Variants in CDH15 observed in about 807,000 individuals in gnomAD.
The protein encoded by CDH15 is cadherin 15, also known as cadherin-15.
CDH15 carries 73 observed loss-of-function variants against 69.4 expected under a neutral mutation model. The observed-to-expected ratio is 1.05, with a 90% CI of 0.87 to 1.28. The LOEUF is 1.28. CDH15 is among the 50% of genes most tolerant of loss of function. CDH15 has a pLI of 0.00. For missense variants in CDH15, 1,343 were observed against 1,133.6 expected, an observed-to-expected ratio of 1.18 and a Z score of -2.65; for synonymous variants, 624 against 507.7, an observed-to-expected ratio of 1.23 and a Z score of -3.08.
rs769615158 is a variant in CDH15 at position 89,190,304 on chromosome 16, C to T, written c.1040C>T (p.Pro347Leu). ...AAAGTGTCGGTGCAGAATGAGGCCC[C>T]GCTGCAGGCGGCTGCCCTTAGGGCT... ...ELKVSVQNEA[P>L]LQAAALRAER... is the part of the protein sequence containing the mutation. Residue 347 changes from proline to leucine, a missense_variant, in exon 8 of 14, where the codon CCG becomes CTG. By Grantham distance (98) the Pro-to-Leu change is moderately conservative (BLOSUM62 -3). Coordinates refer to ENST00000289746, the MANE Select transcript of CDH15 (RefSeq NM_004933.3). 58 of 1,612,372 alleles carry T rather than the reference C, an allele frequency of 3.6e-5. No individual in the cohort carries two copies. The highest frequency in any genetic ancestry group is 1.6e-4 in the Middle Eastern group (1 of 6,084).
At position 89,195,156 on chromosome 16, in the gene CDH15, C is replaced by T; in HGVS notation, c.*1C>T. On this transcript the variant is annotated 3_prime_UTR_variant, in exon 14 of 14. Coordinates refer to ENST00000289746, the MANE Select transcript of CDH15 (RefSeq NM_004933.3). ...CAGACACAGAGGCCGGACAGCCTGA[C>T]CCTGGGGCGCAACTGGACATGCCAC... 1.3e-6 allele frequency: 2 copies of T among 1,580,266 alleles called. No homozygotes were observed. The highest frequency in any genetic ancestry group is 1.7e-6 in the Non-Finnish European group (2 of 1,163,986).
In CDH15 at chr16:89,191,290, G is replaced by T. The variant is rs761404130; in HGVS notation, c.1233-40G>T. 5 of 1,611,790 alleles carry T rather than the reference G, an allele frequency of 3.1e-6. No individual in the cohort carries two copies. In the African/African-American group the frequency reaches 5.3e-5, roughly 17 times the overall value. On this transcript the variant is annotated intron_variant, in intron 8 of 13. Transcript: ENST00000289746. ...ACCTGACCACACCTGTGGGGCCCTGGGGTAAACTCAGATCCCACTCTTCCC... is the reference window on the plus strand; with the variant it reads ...ACCTGACCACACCTGTGGGGCCCTGTGGTAAACTCAGATCCCACTCTTCCC...
Position 89,171,804 on chromosome 16 carries a change from C to G in CDH15, c.-28C>G, listed in dbSNP as rs759779271. Reference sequence around the variant, plus strand: ...CGCGCTTCTTCGGGTCGCGGGTGCACTCCGGCCCGGCTCCCGCCTCGGCCC... The same window carrying G: ...CGCGCTTCTTCGGGTCGCGGGTGCAGTCCGGCCCGGCTCCCGCCTCGGCCC... On this transcript the variant is annotated 5_prime_UTR_variant, in exon 1 of 14. Coordinates refer to ENST00000289746, the MANE Select transcript of CDH15 (RefSeq NM_004933.3). 1.9e-6 allele frequency: 3 copies of G among 1,546,934 alleles called. No individual in the cohort carries two copies. The highest frequency in any genetic ancestry group is 1.7e-4 in the Middle Eastern group (1 of 5,998).
chr16:89,189,861 G>T (rs181522670), intron 7 of CDH15, among the ~76,000 whole-genome samples: 1 of 152,358 alleles, frequency 6.6e-6, no homozygotes, highest in African/African-American at 2.4e-5. Flanking sequence ...GCAGTTTAGA[G>T]GCAGAGAAAA....
rs1348888710 is a variant in CDH15, at chr16:89,193,492, C to G, written c.1878C>G (p.Leu626=). 6.2e-7 allele frequency: 1 copy of G among 1,611,720 alleles called. No individual in the cohort carries two copies. Among genetic ancestry groups the G allele is most frequent in the Admixed American group, 1.7e-5 (1 of 59,950 alleles). ...CAGTGCTGGTCCTGCTCGTGGCACT[C>G]CGGGCGCGGTTCTGGAAGCAGTCTC... The part of the protein sequence containing the change: ...LLLVLVLLVA[L]RARFWKQSRG... The change falls in exon 12 of 14, where the codon CTC becomes CTG. Residue 626 remains leucine, a synonymous_variant. Coordinates refer to ENST00000289746, the MANE Select transcript of CDH15 (RefSeq NM_004933.3).
intron 1 of CDH15, among the ~76,000 whole-genome samples, chr16:89,178,934 C>T (rs1249580292): frequency 6.6e-6 from 1 of 152,218 alleles, no homozygotes; most frequent in Non-Finnish European, 1.5e-5. Context: ...CGTGTCAGGA[C>T]CCCACGCTCT....
intron 1 of CDH15, among the ~76,000 whole-genome samples, chr16:89,173,413 T>C (rs575078490): frequency 6.6e-6 from 1 of 152,214 alleles, no homozygotes; most frequent in East Asian, 1.9e-4. Flanking sequence ...AGGCAGGACC[T>C]CTCCCTCCTC....
intron 7 of CDH15, 119 bp downstream of exon 7, chr16:89,188,404 A>T (rs1915544571): frequency 4.4e-6 from 3 of 676,388 alleles, no homozygotes; most frequent in Non-Finnish European, 8.0e-6. Context: ...GCACACACAC[A>T]TGCCGGCACA....
In CDH15 at chr16:89,191,911, G is replaced by A. The variant is rs1356744203; in HGVS notation, c.1615+17G>A. On this transcript the variant is annotated intron_variant, in intron 10 of 13. Coordinates refer to ENST00000289746, the MANE Select transcript of CDH15 (RefSeq NM_004933.3). ...AGGTCAACGGTGCGCTCCCCTCACC[G>A]CCGCGCTCCCCCCATCCCCACGCTC... 27 of 1,535,626 alleles carry A rather than the reference G, an allele frequency of 1.8e-5. No homozygotes were observed. Among genetic ancestry groups the A allele is most frequent in the East Asian group, 2.4e-5 (1 of 41,312 alleles).
intron 5 of CDH15, 119 bp downstream of exon 5, chr16:89,185,452 C>A: frequency 1.8e-6 from 2 of 1,131,986 alleles, no homozygotes; most frequent in Non-Finnish European, 2.6e-6. Flanking sequence ...CACTGCAGAG[C>A]TTGCAGTGGC....
At chr16:89,184,318 T>G (rs1915435931) in intron 4 of CDH15, among the ~76,000 whole-genome samples, 1 of 152,138 alleles carries the variant, frequency 6.6e-6, no homozygotes, top group Admixed American at 6.5e-5. Context: ...CGGGGGGAAG[T>G]CACAGCCAGC....
In CDH15 at chr16:89,191,773, C is replaced by T; in HGVS notation, c.1494C>T (p.Gly498=). 1.2e-6 allele frequency: 2 copies of T among 1,606,508 alleles called. No individual in the cohort carries two copies. Among genetic ancestry groups the T allele is most frequent in the Non-Finnish European group, 8.5e-7 (1 of 1,179,544 alleles). The change falls in exon 10 of 14, where the codon GGC becomes GGT. Residue 498 remains glycine (G), a synonymous_variant. Coordinates refer to ENST00000289746, the MANE Select transcript of CDH15 (RefSeq NM_004933.3). ...PGSLCSEPHQ[G]PGLLLGATDE... The stretch of plus-strand genomic sequence containing the variant: ...GCCTGTGCAGCGAGCCACACCAAGG[C>T]CCAGGCCTCCTCCTGGGCGCCACGG...
Position 89,195,034 on chromosome 16 carries a change from G to T in CDH15, c.2324G>T (p.Arg775Leu), listed in dbSNP as rs201368808. 1 of 1,612,462 alleles carries T rather than the reference G, an allele frequency of 6.2e-7. No individual in the cohort carries two copies. Among genetic ancestry groups the T allele is most frequent in the East Asian group, 2.2e-5 (1 of 44,862 alleles). ...YLRDWGPRFA[R>L]LADMYGHPCG... ...AGAGACTGGGGGCCCCGCTTCGCCCGGCTGGCAGACATGTATGGGCACCCG... is the reference window on the plus strand; with the variant it reads ...AGAGACTGGGGGCCCCGCTTCGCCCTGCTGGCAGACATGTATGGGCACCCG... Residue 775 changes from arginine to leucine, a missense_variant, in exon 14 of 14, where the codon CGG becomes CTG. Coordinates refer to ENST00000289746, the MANE Select transcript of CDH15 (RefSeq NM_004933.3).
chr16:89,194,462 A>G (rs1021364335), intron 13 of CDH15, among the ~76,000 whole-genome samples: 5 of 152,202 alleles, frequency 3.3e-5, no homozygotes, highest in Admixed American at 6.5e-5. Flanking sequence ...GAGGACAGAC[A>G]TGCAGACAGA....
At chr16:89,194,384 C>T in intron 13 of CDH15, among the ~76,000 whole-genome samples, 1 of 152,232 alleles carries the variant, frequency 6.6e-6, no homozygotes, top group East Asian at 1.9e-4. Context: ...CCTGTAGCAC[C>T]TGGCTCAGAG....
In CDH15 at chr16:89,193,779, C is replaced by G; in HGVS notation, c.2017C>G (p.Arg673Gly). The change falls in exon 13 of 14, where the codon CGT (arginine) becomes GGT (glycine). Residue 673 changes from arginine (R) to glycine (G), a missense_variant. Arg to Gly is a moderately radical substitution (Grantham distance 125, BLOSUM62 -2). Transcript: ENST00000289746. The part of the protein sequence containing the change: ...DQDAYDISQL[R>G]HPTALSLPLG... ...GGACGCCTACGACATCAGCCAGCTG[C>G]GTCACCCGACAGCGCTGAGCCTGCC... 6.2e-7 allele frequency: 1 copy of G among 1,604,972 alleles called. No individual in the cohort carries two copies. The highest frequency in any genetic ancestry group is 1.3e-5 in the African/African-American group (1 of 74,958).
intron 2 of CDH15, 27 bp downstream of exon 2, chr16:89,179,601 G>A: frequency 6.4e-7 from 1 of 1,551,634 alleles, no homozygotes; most frequent in Non-Finnish European, 8.7e-7. Flanking sequence ...GGCAGGAGGG[G>A]AGAAAGGGGT....
At chr16:89,178,123 T>TA (rs1401349153) in intron 1 of CDH15, among the ~76,000 whole-genome samples, 1 of 152,234 alleles carries the variant, frequency 6.6e-6, no homozygotes, top group Non-Finnish European at 1.5e-5. Flanking sequence ...GTCCCTTCTC[T>TA]AGGCCTCAGT....
chr16:89,178,846 C>G (rs1567770937), intron 1 of CDH15, among the ~76,000 whole-genome samples: 5 of 152,294 alleles, frequency 3.3e-5, no homozygotes, highest in Admixed American at 3.3e-4. Context: ...GCAGGCACCT[C>G]CCCTGCCGCT....
Sources: allele counts gnomAD v4.1 joint callset (sites outside exome capture counted in the v4.1 genomes callset), GRCh38; gene constraint gnomAD v4.1.1; transcripts MANE v1.5; gene names NCBI Gene and HGNC (gene_info 2026-07-23, HGNC 2026-07-21).